Variants in CTNNA3 observed in about 807,000 individuals in gnomAD.
CTNNA3 encodes catenin alpha-3.
Under a neutral mutation model 95.7 loss-of-function variants are expected in CTNNA3, and 76 were observed. The observed-to-expected ratio is 0.79, with a 90% CI of 0.66 to 0.96. The LOEUF (loss-of-function observed/expected upper bound fraction) is 0.96, where lower values mean the gene tolerates loss of function less well. Among genes scored for constraint, CTNNA3 ranks in the 40% least tolerant of loss-of-function variants. The pLI is 0.00. For synonymous variants in CTNNA3, 431 were observed against 374.4 expected (o/e 1.15, Z -1.74); for missense variants, 1,191 against 1,089.8 (o/e 1.09, Z -1.31).
intron 12 of CTNNA3, among the ~76,000 whole-genome samples, chr10:66,328,657 A>T (rs2092285658): frequency 6.6e-6 from 1 of 151,626 alleles, no homozygotes; most frequent in Non-Finnish European, 1.5e-5. Flanking sequence ...GAACCATTTT[A>T]TGTGTATATA....
chr10:67,675,256 C>T (rs1280295315), intron 1 of CTNNA3, among the ~76,000 whole-genome samples: 5 of 152,030 alleles, frequency 3.3e-5, no homozygotes, highest in African/African-American at 1.2e-4. Flanking sequence ...TATGAGTCAA[C>T]TATTTTGACA....
At chr10:67,288,511 T>C (rs1839696227) in intron 5 of CTNNA3, among the ~76,000 whole-genome samples, 1 of 152,202 alleles carries the variant, frequency 6.6e-6, no homozygotes, top group Admixed American at 6.5e-5. Flanking sequence ...ATATTATCTG[T>C]GCATTTTTTC....
chr10:67,623,343 T>C (rs943805961), intron 2 of CTNNA3, among the ~76,000 whole-genome samples: 3 of 152,306 alleles, frequency 2.0e-5, no homozygotes, highest in African/African-American at 7.2e-5. Context: ...TGTAGAGCAG[T>C]GGAAAATTAA....
chr10:67,216,669 C>T (rs1371179841), intron 6 of CTNNA3, among the ~76,000 whole-genome samples: 3 of 152,086 alleles, frequency 2.0e-5, no homozygotes. Context: ...GTGAATATGA[C>T]AGCTCTCTAA....
At chr10:67,459,747 T>C (rs1007827873) in intron 5 of CTNNA3, among the ~76,000 whole-genome samples, 2 of 152,186 alleles carry the variant, frequency 1.3e-5, no homozygotes, top group Admixed American at 6.5e-5. Flanking sequence ...GCCTTAAAAT[T>C]ATCTTTTACC....
At position 67,587,193 on chromosome 10, in the gene CTNNA3, T is replaced by TTGTGTGTGTG. The variant is rs57140243; in HGVS notation, c.292+19654_292+19663dup. Among the ~76,000 whole-genome samples, 1,001 of 130,136 alleles carry TTGTGTGTGTG rather than the reference T, an allele frequency of 7.7e-3. 9 individuals are homozygous for TTGTGTGTGTG. Among genetic ancestry groups the TTGTGTGTGTG allele is most frequent in the Middle Eastern group, 0.02 (5 of 250 alleles). The allele number at this position is 130,136 out of a possible 152,430, so 85.4% of individuals were successfully genotyped here. On this transcript the variant is annotated intron_variant, in intron 3 of 17. Transcript: ENST00000433211. Reference sequence around the variant, plus strand: ...GCATGCACCATGACACCCAGCTAACTTGTGTGTGTGTGTGTGTGTGTGTGT... The same window carrying TTGTGTGTGTG: ...GCATGCACCATGACACCCAGCTAACTTGTGTGTGTGTGTGTGTGTGTGTGTGTGTGTGTGT...
chr10:66,723,193 A>G (rs2132643658), intron 9 of CTNNA3, among the ~76,000 whole-genome samples: 1 of 152,348 alleles, frequency 6.6e-6, no homozygotes, highest in East Asian at 1.9e-4. Flanking sequence ...ATATAAAATT[A>G]GCTGGTAATG....
At chr10:67,116,323 T>C (rs2131982305) in intron 7 of CTNNA3, among the ~76,000 whole-genome samples, 1 of 152,168 alleles carries the variant, frequency 6.6e-6, no homozygotes, top group South Asian at 2.1e-4. Context: ...GTGGTGACCT[T>C]CCAAAAGCAA....
At chr10:66,995,704 G>A (rs1564819548) in intron 7 of CTNNA3, among the ~76,000 whole-genome samples, 1 of 152,046 alleles carries the variant, frequency 6.6e-6, no homozygotes, top group Non-Finnish European at 1.5e-5. Context: ...TCACTAATTT[G>A]TAGCTTTGCT....
intron 10 of CTNNA3, among the ~76,000 whole-genome samples, chr10:66,556,886 C>T (rs949558122): frequency 1.3e-5 from 2 of 151,940 alleles, no homozygotes; most frequent in Middle Eastern, 3.2e-3. Flanking sequence ...AGCAGGAAAA[C>T]CAATGGTAAC....
intron 7 of CTNNA3, among the ~76,000 whole-genome samples, chr10:66,798,052 T>C (rs896059542): frequency 1.3e-5 from 2 of 151,858 alleles, no homozygotes; most frequent in Non-Finnish European, 2.9e-5. Flanking sequence ...CTTCATGATA[T>C]GTCTTACAAT....
chr10:66,670,339 C>A (rs904154807), intron 9 of CTNNA3, among the ~76,000 whole-genome samples: 2 of 152,156 alleles, frequency 1.3e-5, no homozygotes, highest in Admixed American at 6.5e-5. Context: ...AAGGTCTGAG[C>A]AAAGAAAGTA....
chr10:67,441,024 G>A (rs1052073964), intron 5 of CTNNA3, among the ~76,000 whole-genome samples: 2 of 151,882 alleles, frequency 1.3e-5, no homozygotes, highest in Admixed American at 6.6e-5. Flanking sequence ...TCAAAAAGCT[G>A]CTTTAAGGAA....
intron 5 of CTNNA3, among the ~76,000 whole-genome samples, chr10:67,246,902 G>T (rs1865928926): frequency 6.6e-6 from 1 of 152,066 alleles, no homozygotes; most frequent in Non-Finnish European, 1.5e-5. Context: ...TGTTCCTCAA[G>T]GTTCTCTAGC....
chr10:66,316,742 A>T (rs1347615151), intron 12 of CTNNA3, among the ~76,000 whole-genome samples: 1 of 152,120 alleles, frequency 6.6e-6, no homozygotes, highest in Non-Finnish European at 1.5e-5. Flanking sequence ...TAACAACAGG[A>T]GTTGAACAAA....
At chr10:67,691,568 T>A (rs1318284241) in intron 1 of CTNNA3, among the ~76,000 whole-genome samples, 2 of 140,700 alleles carry the variant, frequency 1.4e-5, no homozygotes, top group African/African-American at 2.7e-5. Context: ...GTGAGGAGCG[T>A]CTCTGCCCGG....
At chr10:66,716,080 G>C (rs1215380168) in intron 9 of CTNNA3, among the ~76,000 whole-genome samples, 2 of 151,906 alleles carry the variant, frequency 1.3e-5, no homozygotes, top group Admixed American at 6.6e-5. Context: ...CTATCCATTT[G>C]CTTGCCAATA....
intron 7 of CTNNA3, among the ~76,000 whole-genome samples, chr10:67,019,320 G>T (rs1852848134): frequency 6.6e-6 from 1 of 152,174 alleles, no homozygotes; most frequent in Non-Finnish European, 1.5e-5. Flanking sequence ...CCGGGTCCAA[G>T]CGCTTCTCCT....
At chr10:67,643,443 A>C (rs1057221432) in intron 2 of CTNNA3, among the ~76,000 whole-genome samples, 2 of 152,124 alleles carry the variant, frequency 1.3e-5, no homozygotes, top group African/African-American at 4.8e-5. Flanking sequence ...AAACCTGCAC[A>C]TCCTGCACAT....
Sources: gnomAD v4.1 joint callset for allele counts (sites outside exome capture counted in the v4.1 genomes callset) on GRCh38, gnomAD v4.1.1 for gene constraint, MANE v1.5 for transcripts, NCBI Gene and HGNC (gene_info 2026-07-23, HGNC 2026-07-21) for gene names.